The following FRMD3 variants were observed in gnomAD, a reference collection of about 807,000 sequenced individuals.
The protein encoded by FRMD3 is FERM domain containing 3.
FRMD3 carries 33 observed loss-of-function variants against 70.2 expected under a neutral mutation model. The ratio of observed to expected loss-of-function variants is 0.47; its 90% CI spans 0.36 to 0.63. The LOEUF (loss-of-function observed/expected upper bound fraction) is 0.63, where lower values mean the gene tolerates loss of function less well. Among genes scored for constraint, FRMD3 ranks in the 20% least tolerant of loss-of-function variants. The pLI is 0.00. For missense variants in FRMD3, 632 were observed against 711.4 expected (o/e 0.89, Z 1.27); for synonymous variants, 279 against 255.9 (o/e 1.09, Z -0.86).
chr9:83,374,484 C>T (rs1049557022), intron 2 of FRMD3, among the ~76,000 whole-genome samples: 2 of 152,082 alleles, frequency 1.3e-5, no homozygotes, highest in Non-Finnish European at 2.9e-5. Context: ...ATTTGAGGAC[C>T]CTCGTTATTG....
At chr9:83,573,613 G>C in the FRMD3 span, among the ~76,000 whole-genome samples, 1 of 152,096 alleles carries the variant, frequency 6.6e-6, no homozygotes, top group East Asian at 1.9e-4. Context: ...ACTCTTCTGT[G>C]AGTGTTGCCT....
the FRMD3 span, among the ~76,000 whole-genome samples, chr9:83,566,034 T>C: frequency 6.6e-6 from 1 of 152,252 alleles, no homozygotes; most frequent in Non-Finnish European, 1.5e-5. Context: ...CTTGCACAGT[T>C]ACTGACATTA....
chr9:83,284,061 A>ATTTTTTTTTTTTTTTT (rs71365307), intron 13 of FRMD3, among the ~76,000 whole-genome samples: 2 of 101,704 alleles, frequency 2.0e-5, no homozygotes, highest in African/African-American at 3.7e-5. Context: ...CTAGGATGTT[A>ATTTTTTTTTTTTTTTT]TTTTTTTTTT....
intron 1 of FRMD3, among the ~76,000 whole-genome samples, chr9:83,481,176 A>G (rs1293904807): frequency 6.6e-6 from 1 of 152,214 alleles, no homozygotes; most frequent in Admixed American, 6.5e-5. Context: ...ATGTCACTTT[A>G]CTGTTAAGGT....
intron 1 of FRMD3, among the ~76,000 whole-genome samples, chr9:83,425,997 A>C (rs1293719438): frequency 6.6e-6 from 1 of 151,682 alleles, no homozygotes; most frequent in East Asian, 1.9e-4. Flanking sequence ...TCACAGGCTT[A>C]GTCCATAAGA....
At chr9:83,387,940 G>A (rs1004001982) in intron 2 of FRMD3, among the ~76,000 whole-genome samples, 3 of 152,090 alleles carry the variant, frequency 2.0e-5, no homozygotes, top group African/African-American at 7.2e-5. Flanking sequence ...TTTTCTTGCA[G>A]GGCCAGGTCT....
chr9:83,255,153 C>A (rs1382701606), intron 13 of FRMD3, among the ~76,000 whole-genome samples: 1 of 152,136 alleles, frequency 6.6e-6, no homozygotes. Flanking sequence ...CAAACTGAAT[C>A]CAGCAGCATA....
At chr9:83,287,671 C>T (rs1306802134) in intron 13 of FRMD3, among the ~76,000 whole-genome samples, 1 of 152,216 alleles carries the variant, frequency 6.6e-6, no homozygotes, top group Non-Finnish European at 1.5e-5. Context: ...CCGTTACCAA[C>T]TCTTCCTGTC....
chr9:83,283,627 A>G (rs36079201), intron 13 of FRMD3, among the ~76,000 whole-genome samples: 18,071 of 151,932 alleles, frequency 0.12, 1,403 homozygotes, highest in East Asian at 0.17. Context: ...CAATACTGCA[A>G]TTATAAACAA....
At chr9:83,254,416 C>CA (rs1312509243) in intron 13 of FRMD3, among the ~76,000 whole-genome samples, 2 of 150,734 alleles carry the variant, frequency 1.3e-5, no homozygotes, top group South Asian at 2.1e-4. Flanking sequence ...CTTACAAAAA[C>CA]AAAAAACAAA....
chr9:83,559,954 T>A, the FRMD3 span, among the ~76,000 whole-genome samples: 16 of 152,174 alleles, frequency 1.1e-4, no homozygotes, highest in Admixed American at 4.6e-4. Context: ...TACAGAGTTT[T>A]ATCACTAAGT....
At chr9:83,383,424 GAAATA>G (rs1488288100) in intron 2 of FRMD3, among the ~76,000 whole-genome samples, 6 of 152,136 alleles carry the variant, frequency 3.9e-5, no homozygotes, top group Non-Finnish European at 7.3e-5. Flanking sequence ...AACCTTGAAG[GAAATA>G]AAATAGTCAT....
At chr9:83,521,552 C>G (rs1829572098) in intron 1 of FRMD3, among the ~76,000 whole-genome samples, 1 of 152,204 alleles carries the variant, frequency 6.6e-6, no homozygotes, top group Non-Finnish European at 1.5e-5. Flanking sequence ...TCAAAAAGCA[C>G]TGAGGCATTC....
At chr9:83,249,177 G>A (rs1348389859) in intron 13 of FRMD3, among the ~76,000 whole-genome samples, 1 of 148,410 alleles carries the variant, frequency 6.7e-6, no homozygotes, top group African/African-American at 2.4e-5. Context: ...CTTTGCAGTT[G>A]TAAGGAGAAA....
intron 2 of FRMD3, among the ~76,000 whole-genome samples, chr9:83,375,744 G>A (rs1422934270): frequency 1.3e-5 from 2 of 152,184 alleles, no homozygotes; most frequent in East Asian, 1.9e-4. Context: ...GGAGGGACAG[G>A]ATCAGGCAAA....
chr9:83,422,633 A>G lies in FRMD3; in HGVS notation c.148-32925T>C, dbSNP rs1023304454. ...CTCACCTCAGCAGAACCCCAGGATCAGATGGTGGGAGGGAGGGACAAATGA... is the reference window on the plus strand; with the variant it reads ...CTCACCTCAGCAGAACCCCAGGATCGGATGGTGGGAGGGAGGGACAAATGA... On this transcript the variant is annotated intron_variant, in intron 1 of 13. Transcript: ENST00000304195. Among the ~76,000 whole-genome samples the G allele has an allele frequency of 3.3e-5, 5 of 152,336 alleles. 1 individual carries two copies. The South Asian group carries it at 1.0e-3, about 32-fold the overall frequency.
chr9:83,326,153 T>A (rs138647267), intron 6 of FRMD3, among the ~76,000 whole-genome samples: 2 of 152,308 alleles, frequency 1.3e-5, no homozygotes, highest in East Asian at 3.9e-4. Context: ...AAGGTGTTTC[T>A]GTAAAAAGAG....
intron 3 of FRMD3, among the ~76,000 whole-genome samples, chr9:83,353,330 T>C (rs1824226939): frequency 6.6e-6 from 1 of 152,122 alleles, no homozygotes; most frequent in Non-Finnish European, 1.5e-5. Flanking sequence ...TAAGGTTCTA[T>C]TAATAGATGC....
intron 1 of FRMD3, among the ~76,000 whole-genome samples, chr9:83,530,260 A>G (rs1829766845): frequency 6.6e-6 from 1 of 152,270 alleles, no homozygotes; most frequent in African/African-American, 2.4e-5. Context: ...ATGGATCAAC[A>G]AAATGTGATA....
Sources: gnomAD v4.1 joint callset for allele counts (sites outside exome capture counted in the v4.1 genomes callset) on GRCh38, gnomAD v4.1.1 for gene constraint, MANE v1.5 for transcripts, NCBI Gene and HGNC (gene_info 2026-07-23, HGNC 2026-07-21) for gene names.